NUB1: variants seen among roughly 807,000 people sequenced by gnomAD.
NUB1 encodes negative regulator of ubiquitin like proteins 1.
A neutral mutation model predicts 77.1 loss-of-function variants in NUB1; 41 were observed. That is an observed-to-expected ratio of 0.53 (90% CI 0.41 to 0.69). The LOEUF is 0.69. NUB1 is among the 30% of genes least tolerant of loss of function. The probability of loss-of-function intolerance (pLI) is 0.00; values close to 1 mark genes in which losing one functional copy is unlikely to be tolerated. For missense variants in NUB1, 643 were observed against 743.8 expected (o/e 0.86, Z 1.58); for synonymous variants, 257 against 281.0 (o/e 0.91, Z 0.85).
At chr7:151,349,533 C>T (rs1344186450) in intron 3 of NUB1, among the ~76,000 whole-genome samples, 1 of 152,172 alleles carries the variant, frequency 6.6e-6, no homozygotes, top group African/African-American at 2.4e-5. Context: ...TAAAGGATTC[C>T]CAAGTTTCCT....
At chr7:151,354,308 TC>T (rs1430759715) in intron 5 of NUB1, among the ~76,000 whole-genome samples, 1 of 149,538 alleles carries the variant, frequency 6.7e-6, no homozygotes. Context: ...TCTGGTGACC[TC>T]CCCCCACCCT....
At chr7:151,348,607 G>T (rs1270357826) in intron 2 of NUB1, among the ~76,000 whole-genome samples, 218 of 92,366 alleles carry the variant, frequency 2.4e-3, no homozygotes, top group Non-Finnish European at 3.3e-3. Context: ...GCGGAGTCTT[G>T]CTCTGTCACC....
chr7:151,362,770 G>C (rs572598242), intron 8 of NUB1, among the ~76,000 whole-genome samples: 1 of 152,322 alleles, frequency 6.6e-6, no homozygotes, highest in Non-Finnish European at 1.5e-5. Context: ...TGAGTCTTCT[G>C]CTCAGTAATG....
chr7:151,374,465 G>C, intron 12 of NUB1: 2 of 624,154 alleles, frequency 3.2e-6, no homozygotes, highest in Non-Finnish European at 5.7e-6. Flanking sequence ...GCTCCAAAAC[G>C]TGGTGCCTGT....
rs757870044 is a variant in NUB1 at position 151,367,081 on chromosome 7, A to G, written c.943A>G (p.Lys315Glu). 24 of 1,613,730 alleles carry G rather than the reference A, an allele frequency of 1.5e-5. No individual in the cohort carries two copies. The highest frequency in any genetic ancestry group is 2.0e-5 in the Non-Finnish European group (24 of 1,179,840). Residue 315 changes from lysine (K) to glutamate (E), a missense_variant, in exon 9 of 15, where the codon AAA (lysine) becomes GAA (glutamate). Transcript: ENST00000568733. ...ATTAAACTTGGCCCAGAAATGCTTT[A>G]AAAATTGTTACGGAGAAAATCATCA... is the stretch of plus-strand genomic sequence containing the variant. The part of the protein sequence containing the change: ...KKLNLAQKCF[K>E]NCYGENHQRL...
chr7:151,363,264 G>A (rs1289680607), intron 8 of NUB1, among the ~76,000 whole-genome samples: 1 of 152,144 alleles, frequency 6.6e-6, no homozygotes, highest in East Asian at 1.9e-4. Context: ...AGGAACAACT[G>A]AACATGTCAG....
chr7:151,360,278 C>A, intron 8 of NUB1, 31 bp downstream of exon 8: 1 of 1,245,942 alleles, frequency 8.0e-7, no homozygotes, highest in African/African-American at 1.5e-5. Flanking sequence ...TGAACACCAG[C>A]TTTAAGGAAG....
At chr7:151,369,625 C>T (rs1413505298) in intron 11 of NUB1, among the ~76,000 whole-genome samples, 1 of 152,158 alleles carries the variant, frequency 6.6e-6, no homozygotes, top group Non-Finnish European at 1.5e-5. Context: ...TGGAAGCATC[C>T]TTATTCTATC....
At chr7:151,365,319 T>TC (rs1491141613) in intron 8 of NUB1, among the ~76,000 whole-genome samples, 3 of 7,350 alleles carry the variant, frequency 4.1e-4, no homozygotes, top group South Asian at 2.1e-3. Flanking sequence ...CTTCTCTCTC[T>TC]TTTTTTTTTT....
intron 11 of NUB1, 103 bp downstream of exon 11, chr7:151,368,990 G>A: frequency 8.1e-7 from 1 of 1,240,430 alleles, no homozygotes; most frequent in Non-Finnish European, 1.1e-6. Flanking sequence ...ACTCCAGATT[G>A]GGAAGGAAGG....
At chr7:151,364,241 G>A (rs1382348482) in intron 8 of NUB1, among the ~76,000 whole-genome samples, 1 of 150,028 alleles carries the variant, frequency 6.7e-6, no homozygotes, top group Non-Finnish European at 1.5e-5. Context: ...CTAACAGGGC[G>A]AAACCCCGTC....
intron 2 of NUB1, 101 bp from the exon 3 acceptor site, chr7:151,348,972 C>A (rs1162046430): frequency 2.9e-6 from 3 of 1,028,180 alleles, no homozygotes; most frequent in Non-Finnish European, 4.4e-6. Flanking sequence ...GGGCGACCTC[C>A]ACTCATCAGA....
chr7:151,354,213 T>C (rs1377657125), intron 5 of NUB1, among the ~76,000 whole-genome samples: 1 of 152,182 alleles, frequency 6.6e-6, no homozygotes, highest in African/African-American at 2.4e-5. Context: ...GTGACCCTTT[T>C]TGGGGGGCCC....
At chr7:151,347,243 A>T (rs940389095) in intron 2 of NUB1, among the ~76,000 whole-genome samples, 2 of 152,082 alleles carry the variant, frequency 1.3e-5, no homozygotes, top group African/African-American at 2.4e-5. Flanking sequence ...CGTAACTATT[A>T]AAAAAATGTA....
chr7:151,355,647 TG>T, intron 5 of NUB1, 120 bp from the exon 6 acceptor site: 1 of 994,484 alleles, frequency 1.0e-6, no homozygotes, highest in Middle Eastern at 3.0e-4. Flanking sequence ...CACTCCAGCC[TG>T]GGTGACAGAG....
chr7:151,343,889 T>C (rs1260424417), intron 1 of NUB1, among the ~76,000 whole-genome samples: 1 of 152,098 alleles, frequency 6.6e-6, no homozygotes, highest in South Asian at 2.1e-4. Context: ...AGTGTTAGAT[T>C]TGAATAGTAG....
intron 2 of NUB1, among the ~76,000 whole-genome samples, chr7:151,347,836 A>C (rs1014388783): frequency 2.0e-5 from 3 of 152,206 alleles, no homozygotes; most frequent in African/African-American, 7.2e-5. Flanking sequence ...TGCTTACACC[A>C]TAATTTTTAC....
Position 151,368,628 on chromosome 7 carries a change from C to G in NUB1, c.1096-107C>G, listed in dbSNP as rs998456448. ...TAGAGATTTTATCCAAAATCTGATG[C>G]CTTTTAATTCACATTGGATACAATC... is the stretch of plus-strand genomic sequence containing the variant. On this transcript the variant is annotated intron_variant, in intron 10 of 14. Coordinates refer to ENST00000568733, the MANE Select transcript of NUB1 (RefSeq NM_001243351.2). The G allele has an allele frequency of 7.1e-6, 9 of 1,274,282 alleles. No individual in the cohort carries two copies. In the African/African-American group the frequency reaches 9.1e-5, roughly 13 times the overall value. The allele number at this position is 1,274,282 out of a possible 1,614,324, so 78.9% of individuals were successfully genotyped here. A position where few individuals can be genotyped will look rare whatever the true frequency, so the allele number is the denominator to read the frequency against.
At chr7:151,343,879 A>G (rs73472483) in intron 1 of NUB1, among the ~76,000 whole-genome samples, 8,384 of 152,096 alleles carry the variant, frequency 0.055, 745 homozygotes, top group African/African-American at 0.19. Flanking sequence ...TGATCCGATC[A>G]GTGTTAGATT....
Sources: gnomAD v4.1 joint callset for allele counts (sites outside exome capture counted in the v4.1 genomes callset) on GRCh38, gnomAD v4.1.1 for gene constraint, MANE v1.5 for transcripts, NCBI Gene and HGNC (gene_info 2026-07-23, HGNC 2026-07-21) for gene names.